RCOR1: variants seen among roughly 807,000 people sequenced by gnomAD.
RCOR1 encodes REST corepressor.
RCOR1 carries 12 observed loss-of-function variants against 64.0 expected under a neutral mutation model. That is an observed-to-expected ratio of 0.19 (90% CI 0.12 to 0.30). RCOR1 has a LOEUF of 0.30. RCOR1 is among the 10% of genes least tolerant of loss of function. RCOR1 has a pLI of 1.00. For missense variants in RCOR1, 502 were observed against 621.2 expected, an observed-to-expected ratio of 0.81 and a Z score of 2.04; for synonymous variants, 279 against 227.2, an observed-to-expected ratio of 1.23 and a Z score of -2.05.
At chr14:102,690,980 C>T (rs1287153081) in intron 3 of RCOR1, among the ~76,000 whole-genome samples, 1 of 152,168 alleles carries the variant, frequency 6.6e-6, no homozygotes, top group Non-Finnish European at 1.5e-5. Context: ...CTGCCATTTG[C>T]TCTGTAACTT....
intron 2 of RCOR1, among the ~76,000 whole-genome samples, chr14:102,677,345 C>T (rs1265651729): frequency 1.4e-5 from 2 of 141,688 alleles, no homozygotes; most frequent in African/African-American, 5.6e-5. Flanking sequence ...GCTGACCCCC[C>T]CCCCACCTCC....
intron 2 of RCOR1, among the ~76,000 whole-genome samples, chr14:102,596,884 T>A (rs1447527317): frequency 1.4e-5 from 2 of 139,964 alleles, no homozygotes; most frequent in Non-Finnish European, 3.1e-5. Context: ...CCTTTTTTTT[T>A]TTTTTTGAGA....
intron 4 of RCOR1, among the ~76,000 whole-genome samples, chr14:102,702,930 A>C (rs1026282739): frequency 6.6e-6 from 1 of 152,224 alleles, no homozygotes; most frequent in Non-Finnish European, 1.5e-5. Context: ...AAGATTTTAA[A>C]ACAACTATCT....
chr14:102,629,959 G>C (rs988866015), intron 2 of RCOR1: 5 of 966,676 alleles, frequency 5.2e-6, no homozygotes, highest in Non-Finnish European at 6.1e-6. Flanking sequence ...CATTATATGT[G>C]ACCTCCTAGA....
chr14:102,679,051 A>G (rs1045528559), intron 2 of RCOR1, among the ~76,000 whole-genome samples: 7 of 152,226 alleles, frequency 4.6e-5, no homozygotes, highest in Admixed American at 1.3e-4. Flanking sequence ...TGCGATATGC[A>G]AATATTTTCT....
chr14:102,614,860 C>T (rs1257467610), intron 2 of RCOR1, among the ~76,000 whole-genome samples: 1 of 149,324 alleles, frequency 6.7e-6, no homozygotes, highest in Admixed American at 6.7e-5. Flanking sequence ...GAGACGGAGT[C>T]TCGCTCTGTC....
chr14:102,621,695 C>T lies in RCOR1; in HGVS notation c.361+28370C>T, dbSNP rs555608527. On this transcript the variant is annotated intron_variant, in intron 2 of 11. Coordinates refer to ENST00000262241, the MANE Select transcript of RCOR1 (RefSeq NM_015156.4). ...GACATTGCTCAGTACATAGTTGGCA[C>T]GAAATAAAATCACTTAAATGAATGA... Among the ~76,000 whole-genome samples the T allele has an allele frequency of 8.1e-5, 9 of 110,946 alleles. No homozygotes were observed. In the East Asian group the frequency reaches 2.0e-3, roughly 24 times the overall value. The allele number at this position is 110,946 out of a possible 152,430, so 72.8% of individuals were successfully genotyped here. A position where few individuals can be genotyped will look rare whatever the true frequency, so the allele number is the denominator to read the frequency against.
intron 11 of RCOR1, among the ~76,000 whole-genome samples, chr14:102,725,101 C>T (rs1366615015): frequency 6.6e-6 from 1 of 152,194 alleles, no homozygotes; most frequent in Admixed American, 6.5e-5. Context: ...GGGTTGGGAA[C>T]AGTGTCATAT....
intron 2 of RCOR1, among the ~76,000 whole-genome samples, chr14:102,677,236 G>A (rs1895196431): frequency 1.5e-5 from 2 of 134,256 alleles, no homozygotes; most frequent in African/African-American, 5.9e-5. Context: ...CTCCCGGACG[G>A]GGTGGCTGGC....
At chr14:102,704,186 G>A (rs534172633) in intron 4 of RCOR1, among the ~76,000 whole-genome samples, 4 of 152,178 alleles carry the variant, frequency 2.6e-5, no homozygotes, top group African/African-American at 9.7e-5. Flanking sequence ...AAGAGGGCCT[G>A]CTTGACCCCA....
At chr14:102,706,133 A>AC (rs1555467361) in intron 4 of RCOR1, among the ~76,000 whole-genome samples, 1 of 149,886 alleles carries the variant, frequency 6.7e-6, no homozygotes, top group African/African-American at 2.5e-5. Context: ...AAAAAAAAAA[A>AC]AAAAAAAAAC....
chr14:102,707,273 AC>A, intron 4 of RCOR1, 77 bp from the exon 5 acceptor site: 24 of 1,166,342 alleles, frequency 2.1e-5, no homozygotes, highest in East Asian at 2.8e-5. Context: ...AGTCGTTTTT[AC>A]TTTTCTTTTG....
intron 3 of RCOR1, 92 bp from the exon 4 acceptor site, chr14:102,701,186 G>C: frequency 9.7e-7 from 1 of 1,032,782 alleles, no homozygotes; most frequent in Non-Finnish European, 1.5e-6. Flanking sequence ...CATATCAGCA[G>C]GCCTGAAATA....
At chr14:102,614,171 A>T (rs1404277452) in intron 2 of RCOR1, among the ~76,000 whole-genome samples, 1 of 150,398 alleles carries the variant, frequency 6.6e-6, no homozygotes, top group African/African-American at 2.4e-5. Context: ...CTGGGATTAT[A>T]GGCGTGAGCC....
chr14:102,714,675 C>T (rs1274668792), intron 8 of RCOR1, 58 bp downstream of exon 8: 2 of 1,323,828 alleles, frequency 1.5e-6, no homozygotes, highest in African/African-American at 2.9e-5. Context: ...AGAGGTGTTT[C>T]TGTTATTCAT....
At chr14:102,689,691 G>A (rs911564309) in intron 3 of RCOR1, among the ~76,000 whole-genome samples, 2 of 152,118 alleles carry the variant, frequency 1.3e-5, no homozygotes, top group Admixed American at 6.6e-5. Context: ...TAAGAATCAT[G>A]GATCTCTGTG....
intron 2 of RCOR1, among the ~76,000 whole-genome samples, chr14:102,627,403 T>G (rs1390760009): frequency 6.6e-6 from 1 of 152,232 alleles, no homozygotes; most frequent in Non-Finnish European, 1.5e-5. Context: ...ACGCCCGTAA[T>G]CCCAACACTT....
intron 2 of RCOR1, among the ~76,000 whole-genome samples, chr14:102,640,938 C>A (rs1391638527): frequency 6.6e-6 from 1 of 151,950 alleles, no homozygotes; most frequent in Non-Finnish European, 1.5e-5. Context: ...GGTGACAGAG[C>A]AAGATCCCTG....
chr14:102,722,375 T>A lies in RCOR1; in HGVS notation c.1378T>A (p.Ser460Thr). ...NGPSNQKPVK[S>T]PDNSIKMPEE... Reference sequence around the variant, plus strand: ...GCCCAGTAACCAGAAGCCTGTGAAGTCCCCAGATAATTCCATTAAGATGCC... The same window carrying A: ...GCCCAGTAACCAGAAGCCTGTGAAGACCCCAGATAATTCCATTAAGATGCC... The change falls in exon 11 of 12, where the codon TCC (serine) becomes ACC (threonine). Residue 460 changes from serine to threonine, a missense_variant. By Grantham distance (58) the Ser-to-Thr change is moderately conservative. Transcript: ENST00000262241. The A allele has an allele frequency of 6.2e-7, 1 of 1,613,870 alleles. No individual in the cohort carries two copies. The highest frequency in any genetic ancestry group is 8.5e-7 in the Non-Finnish European group (1 of 1,179,968).
Sources: gnomAD v4.1 joint callset for allele counts (sites outside exome capture counted in the v4.1 genomes callset) on GRCh38, gnomAD v4.1.1 for gene constraint, MANE v1.5 for transcripts, NCBI Gene and HGNC (gene_info 2026-07-23, HGNC 2026-07-21) for gene names.